Variants in STARD13 observed in about 807,000 individuals in gnomAD.
STARD13 encodes the protein StAR related lipid transfer domain containing 13.
Under a neutral mutation model 106.4 loss-of-function variants are expected in STARD13, and 62 were observed. That is an observed-to-expected ratio of 0.58 (90% CI 0.48 to 0.72). STARD13 has a LOEUF of 0.72. Among genes scored for constraint, STARD13 ranks in the 30% least tolerant of loss-of-function variants. The pLI is 0.00. For synonymous variants in STARD13, 565 were observed against 553.0 expected, an observed-to-expected ratio of 1.02 and a Z score of -0.31; for missense variants, 1,387 against 1,424.0, an observed-to-expected ratio of 0.97 and a Z score of 0.42.
At chr13:33,356,600 TATA>T in the STARD13 span, among the ~76,000 whole-genome samples, 1 of 152,246 alleles carries the variant, frequency 6.6e-6, no homozygotes, top group East Asian at 1.9e-4. Context: ...AAATGGGGAT[TATA>T]ATAATGCTTC....
chr13:33,257,844 T>G (rs545189893), intron 1 of STARD13, among the ~76,000 whole-genome samples: 2 of 152,358 alleles, frequency 1.3e-5, no homozygotes, highest in South Asian at 4.1e-4. Context: ...TGAACATTTC[T>G]GGGAATTTGC....
chr13:33,321,915 A>T (rs972060682), intron 1 of STARD13, among the ~76,000 whole-genome samples: 3 of 152,192 alleles, frequency 2.0e-5, no homozygotes, highest in African/African-American at 7.2e-5. Context: ...AAATTTTGTT[A>T]CTTTTTCAGT....
the STARD13 span, among the ~76,000 whole-genome samples, chr13:33,609,237 T>G: frequency 6.6e-6 from 1 of 152,058 alleles, no homozygotes; most frequent in African/African-American, 2.4e-5. Flanking sequence ...AATTGCAAAT[T>G]TATTTTAAAA....
At chr13:33,354,435 C>T (rs1307207704), upstream of STARD13, among the ~76,000 whole-genome samples, 2 of 152,194 alleles carry the variant, frequency 1.3e-5, no homozygotes, top group Non-Finnish European at 2.9e-5. Flanking sequence ...GTGTTTCTTC[C>T]ATGCTTTGGG....
chr13:33,190,815 A>T (rs1389462849), intron 1 of STARD13, among the ~76,000 whole-genome samples: 1 of 151,994 alleles, frequency 6.6e-6, no homozygotes, highest in Non-Finnish European at 1.5e-5. Flanking sequence ...CGAACTCCTG[A>T]CCTTGTGATC....
Position 33,129,581 on chromosome 13 carries a change from C to A in STARD13, c.1096G>T (p.Asp366Tyr). 4 of 1,614,150 alleles carry A rather than the reference C, an allele frequency of 2.5e-6. No individual in the cohort carries two copies. Among genetic ancestry groups the A allele is most frequent in the Non-Finnish European group, 1.7e-6 (2 of 1,180,034 alleles). Residue 366 changes from aspartate to tyrosine, a missense_variant, in exon 5 of 14, where the codon GAC becomes TAC. Coordinates refer to ENST00000336934, the MANE Select transcript of STARD13 (RefSeq NM_178006.4). The stretch of plus-strand genomic sequence containing the variant: ...GCTGTCCCCGCCAGCACATCTAGGT[C>A]CTCCAAGTACATGCCCCCGCGCTTG... The part of the protein sequence containing the change: ...ANKRGGMYLE[D>Y]LDVLAGTALP...
intron 1 of STARD13, among the ~76,000 whole-genome samples, chr13:33,217,845 C>T (rs116638868): frequency 3.3e-5 from 5 of 152,284 alleles, no homozygotes; most frequent in African/African-American, 7.2e-5. Context: ...AAACAAAGCA[C>T]GGTTCTTTCC....
At chr13:33,564,343 T>A in the STARD13 span, among the ~76,000 whole-genome samples, 2 of 145,152 alleles carry the variant, frequency 1.4e-5, no homozygotes, top group African/African-American at 2.6e-5. Flanking sequence ...CAAGGAGATA[T>A]CATGTTATCC....
At chr13:33,676,322 C>T in the STARD13 span, among the ~76,000 whole-genome samples, 2 of 152,170 alleles carry the variant, frequency 1.3e-5, no homozygotes, top group Non-Finnish European at 2.9e-5. Context: ...TGGACCTGCA[C>T]CCAGACCCCC....
At chr13:33,569,202 A>G in the STARD13 span, among the ~76,000 whole-genome samples, 3 of 148,150 alleles carry the variant, frequency 2.0e-5, no homozygotes, top group Admixed American at 2.1e-4. Context: ...ATACTATGTT[A>G]TTCTTTGTGA....
chr13:33,638,139 GC>G, the STARD13 span, among the ~76,000 whole-genome samples: 1 of 152,166 alleles, frequency 6.6e-6, no homozygotes, highest in South Asian at 2.1e-4. Context: ...CAGAGCCCTG[GC>G]TCTCCTAGAA....
At chr13:33,594,017 C>T in the STARD13 span, among the ~76,000 whole-genome samples, 2 of 152,210 alleles carry the variant, frequency 1.3e-5, no homozygotes, top group Admixed American at 1.3e-4. Flanking sequence ...CGCCGTTCTC[C>T]TGCCTCAGCC....
chr13:33,421,970 C>A, the STARD13 span, among the ~76,000 whole-genome samples: 1 of 152,150 alleles, frequency 6.6e-6, no homozygotes, highest in Non-Finnish European at 1.5e-5. Context: ...CTATTTATGA[C>A]AAACCCACAG....
the STARD13 span, among the ~76,000 whole-genome samples, chr13:33,527,788 A>G: frequency 6.6e-6 from 1 of 151,844 alleles, no homozygotes; most frequent in East Asian, 1.9e-4. Flanking sequence ...CTATTTTTAA[A>G]TTTCCTGATT....
the STARD13 span, among the ~76,000 whole-genome samples, chr13:33,603,013 C>T: frequency 6.6e-6 from 1 of 152,182 alleles, no homozygotes; most frequent in Non-Finnish European, 1.5e-5. Context: ...GGTCTTAAAG[C>T]TTGAAACTTA....
At chr13:33,325,840 C>T (rs944586136) in intron 1 of STARD13, among the ~76,000 whole-genome samples, 6 of 152,102 alleles carry the variant, frequency 3.9e-5, no homozygotes, top group African/African-American at 1.4e-4. Flanking sequence ...AAAAAATTAG[C>T]CGGGCATGGT....
At chr13:33,555,429 G>A in the STARD13 span, among the ~76,000 whole-genome samples, 1 of 152,206 alleles carries the variant, frequency 6.6e-6, no homozygotes, top group Non-Finnish European at 1.5e-5. Context: ...GGAAAGAAGA[G>A]AATGGCCTTA....
At chr13:33,515,532 C>G in the STARD13 span, among the ~76,000 whole-genome samples, 1 of 152,116 alleles carries the variant, frequency 6.6e-6, no homozygotes, top group Non-Finnish European at 1.5e-5. Context: ...GACAGGAAAG[C>G]CTCTGGGGCA....
At chr13:33,173,864 A>C (rs1884241449) in intron 1 of STARD13, among the ~76,000 whole-genome samples, 1 of 152,244 alleles carries the variant, frequency 6.6e-6, no homozygotes, top group Non-Finnish European at 1.5e-5. Flanking sequence ...AGACCCGTAT[A>C]GAGTGATCAC....
Sources: gnomAD v4.1 joint callset for allele counts (sites outside exome capture counted in the v4.1 genomes callset) on GRCh38, gnomAD v4.1.1 for gene constraint, MANE v1.5 for transcripts, NCBI Gene and HGNC (gene_info 2026-07-23, HGNC 2026-07-21) for gene names.